The following NKAIN3 variants were observed in gnomAD, a reference collection of about 807,000 sequenced individuals.
NKAIN3 encodes sodium/potassium-transporting ATPase subunit beta-1-interacting protein 3.
A neutral mutation model predicts 30.2 loss-of-function variants in NKAIN3; 25 were observed. That is an observed-to-expected ratio of 0.83 (90% confidence interval 0.60 to 1.16). The LOEUF (loss-of-function observed/expected upper bound fraction) is 1.16. NKAIN3 is among the 50% of genes most tolerant of loss of function. NKAIN3 has a pLI of 0.00. For missense variants in NKAIN3, 225 were observed against 254.1 expected (o/e 0.89, Z 0.78); for synonymous variants, 91 against 89.6 (o/e 1.02, Z -0.09).
At chr8:62,490,673 A>G (rs1017659776) in intron 1 of NKAIN3, among the ~76,000 whole-genome samples, 1 of 152,150 alleles carries the variant, frequency 6.6e-6, no homozygotes, top group East Asian at 1.9e-4. Flanking sequence ...TGTGTCTCAT[A>G]AAGTGTAAGA....
chr8:62,682,570 G>A (rs541162594), intron 3 of NKAIN3, among the ~76,000 whole-genome samples: 37 of 152,236 alleles, frequency 2.4e-4, no homozygotes, highest in Non-Finnish European at 5.1e-4. Context: ...TCAGTCAGGA[G>A]GCTGGTAGCC....
intron 1 of NKAIN3, among the ~76,000 whole-genome samples, chr8:62,534,763 G>C (rs1204506938): frequency 2.0e-5 from 3 of 152,008 alleles, no homozygotes; most frequent in Non-Finnish European, 4.4e-5. Flanking sequence ...AGAACCACTG[G>C]TCTAGCAGAG....
At chr8:62,506,599 C>G (rs758328870) in intron 1 of NKAIN3, among the ~76,000 whole-genome samples, 53 of 151,342 alleles carry the variant, frequency 3.5e-4, no homozygotes, top group African/African-American at 9.9e-4. Flanking sequence ...CTCAGCCTCC[C>G]GAGTAGCTGG....
intron 3 of NKAIN3, among the ~76,000 whole-genome samples, chr8:62,735,790 G>T (rs945368050): frequency 3.9e-5 from 6 of 152,132 alleles, no homozygotes; most frequent in Non-Finnish European, 8.8e-5. Context: ...AAGATCTGGG[G>T]CTCAGTAGCT....
At chr8:62,499,169 T>A (rs1020154039) in intron 1 of NKAIN3, among the ~76,000 whole-genome samples, 3 of 152,162 alleles carry the variant, frequency 2.0e-5, no homozygotes, top group African/African-American at 7.2e-5. Context: ...GGACTAGGCG[T>A]AAACTGCTGT....
At chr8:62,788,657 T>G (rs1817602927) in intron 4 of NKAIN3, among the ~76,000 whole-genome samples, 1 of 152,160 alleles carries the variant, frequency 6.6e-6, no homozygotes, top group Non-Finnish European at 1.5e-5. Context: ...CTAGGGTTTT[T>G]ATGGTTTTAG....
chr8:62,934,145 G>T (rs755219405), intron 5 of NKAIN3, among the ~76,000 whole-genome samples: 2 of 152,182 alleles, frequency 1.3e-5, no homozygotes, highest in Non-Finnish European at 2.9e-5. Context: ...AGCAGTTTGG[G>T]AAGCCAAGGT....
intron 5 of NKAIN3, among the ~76,000 whole-genome samples, chr8:62,935,939 C>T (rs1822771979): frequency 6.6e-6 from 1 of 152,016 alleles, no homozygotes; most frequent in African/African-American, 2.4e-5. Context: ...AATTTAAAAA[C>T]AAAAACTGTG....
chr8:62,477,058 T>TA (rs1806543087), intron 1 of NKAIN3, among the ~76,000 whole-genome samples: 1 of 152,110 alleles, frequency 6.6e-6, no homozygotes, highest in African/African-American at 2.4e-5. Context: ...AGGAAACTCT[T>TA]ACAGATCTCC....
intron 4 of NKAIN3, among the ~76,000 whole-genome samples, chr8:62,761,742 C>T (rs557071052): frequency 2.0e-5 from 3 of 152,128 alleles, no homozygotes; most frequent in Non-Finnish European, 4.4e-5. Flanking sequence ...AGAAGCAGCT[C>T]TTCATATTGC....
intron 3 of NKAIN3, among the ~76,000 whole-genome samples, chr8:62,646,893 A>G (rs1224629104): frequency 1.3e-5 from 2 of 152,154 alleles, no homozygotes; most frequent in African/African-American, 2.4e-5. Context: ...ATGGTACTGA[A>G]TGTCAGCTCC....
chr8:62,541,687 T>G (rs1422667546), intron 1 of NKAIN3, among the ~76,000 whole-genome samples: 2 of 152,112 alleles, frequency 1.3e-5, no homozygotes, highest in African/African-American at 4.8e-5. Flanking sequence ...TTCTCAAATT[T>G]ATCTTATTTT....
intron 1 of NKAIN3, among the ~76,000 whole-genome samples, chr8:62,462,420 C>T (rs1441653999): frequency 2.0e-5 from 3 of 152,180 alleles, no homozygotes; most frequent in Admixed American, 6.5e-5. Flanking sequence ...TGGGGAGCTT[C>T]ATCCTTGAAC....
chr8:62,375,636 G>A (rs1383394102), intron 1 of NKAIN3, among the ~76,000 whole-genome samples: 2 of 152,128 alleles, frequency 1.3e-5, no homozygotes, highest in Non-Finnish European at 2.9e-5. Context: ...CAATCGGAGA[G>A]ACAGAAGATG....
At chr8:62,798,390 T>C (rs1356111457) in intron 4 of NKAIN3, among the ~76,000 whole-genome samples, 1 of 151,988 alleles carries the variant, frequency 6.6e-6, no homozygotes, top group Non-Finnish European at 1.5e-5. Flanking sequence ...GCTAACACGG[T>C]GAAACCCCAT....
At chr8:62,921,623 G>A (rs946624814) in intron 5 of NKAIN3, among the ~76,000 whole-genome samples, 1 of 152,136 alleles carries the variant, frequency 6.6e-6, no homozygotes, top group South Asian at 2.1e-4. Flanking sequence ...CAGAGTGCTA[G>A]GTGGGGTCAG....
At chr8:62,867,655 G>A (rs1820469950) in intron 4 of NKAIN3, among the ~76,000 whole-genome samples, 1 of 152,222 alleles carries the variant, frequency 6.6e-6, no homozygotes, top group East Asian at 1.9e-4. Flanking sequence ...GATGGGAATA[G>A]TGAGGTTCCA....
chr8:62,927,146 A>G lies in NKAIN3; in HGVS notation c.532+8633A>G, dbSNP rs1009031977. Among the ~76,000 whole-genome samples the G allele has an allele frequency of 2.6e-5, 4 of 152,108 alleles. No homozygotes were observed. In the East Asian group the frequency reaches 7.7e-4, roughly 29 times the overall value. On this transcript the variant is annotated intron_variant, in intron 5 of 6. Transcript: ENST00000623646. The stretch of plus-strand genomic sequence containing the variant: ...TCCCTCCACATCCCAGCTTCTCTGC[A>G]AAGTGGCCGAGACTGACAGCACTCC...
chr8:62,869,866 C>G (rs2130798716), intron 4 of NKAIN3, among the ~76,000 whole-genome samples: 1 of 152,242 alleles, frequency 6.6e-6, no homozygotes, highest in African/African-American at 2.4e-5. Flanking sequence ...CTCCCGAGTT[C>G]ACGCCATTCT....
Sources: allele counts gnomAD v4.1 joint callset (sites outside exome capture counted in the v4.1 genomes callset), GRCh38; gene constraint gnomAD v4.1.1; transcripts MANE v1.5; gene names NCBI Gene and HGNC (gene_info 2026-07-23, HGNC 2026-07-21).